Variants in CELA3A observed in about 807,000 individuals in gnomAD.
CELA3A encodes chymotrypsin like elastase 3A, also known as chymotrypsin-like elastase family member 3A.
Under a neutral mutation model 38.6 loss-of-function variants are expected in CELA3A, and 35 were observed. That is an observed-to-expected ratio of 0.91 (90% CI 0.69 to 1.20). The LOEUF (loss-of-function observed/expected upper bound fraction) is 1.20, where lower values mean the gene tolerates loss of function less well. Ranked by LOEUF, CELA3A falls within the 50% of genes most tolerant of loss-of-function variation. CELA3A has a pLI of 0.00. For missense variants in CELA3A, 343 were observed against 354.2 expected, an observed-to-expected ratio of 0.97 and a Z score of 0.25; for synonymous variants, 143 against 136.7, an observed-to-expected ratio of 1.05 and a Z score of -0.32.
At chr1:22,006,738 AATAATGATG>A (rs1242263428) in intron 4 of CELA3A, 131 bp from the exon 5 acceptor site, 2 of 655,162 alleles carry the variant, frequency 3.1e-6, no homozygotes, top group African/African-American at 4.3e-5. Context: ...TAATAATAAT[AATAATGATG>A]ATGAAAGAGT....
In CELA3A at chr1:22,003,059, GA is replaced by G. The variant is rs1644927761; in HGVS notation, c.101del (p.Asp34ValfsTer36). 6.4e-7 allele frequency: 1 copy of G among 1,574,700 alleles called. No homozygotes were observed. The highest frequency in any genetic ancestry group is 1.7e-5 in the African/African-American group (1 of 58,558). On this transcript the variant is annotated frameshift_variant, in exon 2 of 8. Coordinates refer to ENST00000290122, the MANE Select transcript of CELA3A (RefSeq NM_005747.5). LOFTEE classifies it high-confidence loss of function. ...TTCCAGCCGCGTTGTCCATGGTGAG[GA>G]TGCGGTCCCCTACAGCTGGCCCTGG... ...HSSSRVVHGEDAVPYSWPWQV... is the reference protein window; with the variant it reads ...HSSSRVVHGEXAVPYSWPWQV...
Position 22,012,344 on chromosome 1 carries a change from T to C in CELA3A, c.796-106T>C. On this transcript the variant is annotated intron_variant, in intron 7 of 7. Coordinates refer to ENST00000290122, the MANE Select transcript of CELA3A (RefSeq NM_005747.5). ...ACTGAGGCTCAGAGAGGTCAATCCCTCTCCCAGGGTCACACAGCAGGGCTG... is the reference window on the plus strand; with the variant it reads ...ACTGAGGCTCAGAGAGGTCAATCCCCCTCCCAGGGTCACACAGCAGGGCTG... 1.5e-6 allele frequency: 2 copies of C among 1,369,696 alleles called. 1 individual carries two copies. 84.8% of individuals were successfully genotyped at this position (1,369,696 alleles called of 1,614,324 possible).
chr1:22,009,145 C>G (rs1333860902), intron 6 of CELA3A, among the ~76,000 whole-genome samples: 1 of 151,206 alleles, frequency 6.6e-6, no homozygotes, highest in Non-Finnish European at 1.5e-5. Flanking sequence ...GCGGGCGGAT[C>G]ACGTGGTCAG....
intron 2 of CELA3A, among the ~76,000 whole-genome samples, chr1:22,005,223 G>C (rs1208975079): frequency 5.3e-5 from 8 of 151,874 alleles, no homozygotes; most frequent in Admixed American, 1.3e-4. Context: ...CTGGTGTGGG[G>C]AGGCTTTGGA....
At chr1:22,004,928 C>T (rs1166187516) in intron 2 of CELA3A, among the ~76,000 whole-genome samples, 38 of 150,970 alleles carry the variant, frequency 2.5e-4, no homozygotes, top group African/African-American at 9.1e-4. Flanking sequence ...GGTGAAACTC[C>T]GTGTCTACTA....
chr1:22,008,724 A>T (rs971943997), intron 6 of CELA3A, among the ~76,000 whole-genome samples: 1 of 150,404 alleles, frequency 6.6e-6, no homozygotes, highest in African/African-American at 2.5e-5. Flanking sequence ...GCGCCACTGC[A>T]CTCCAACCTG....
chr1:22,006,472 A>G (rs1353437150), intron 4 of CELA3A, among the ~76,000 whole-genome samples: 1 of 151,272 alleles, frequency 6.6e-6, no homozygotes, highest in African/African-American at 2.4e-5. Flanking sequence ...GGCTGCAGTG[A>G]GCCAAGATCA....
At position 22,003,162 on chromosome 1, in the gene CELA3A, C is replaced by G. The variant is rs1644928555; in HGVS notation, c.129+74C>G. On this transcript the variant is annotated intron_variant, in intron 2 of 7. Transcript: ENST00000290122. ...TAAGCTCTAATGGCGTGGCATCCAGCCTTGACACCATTGCTCCCTTTGCAA... is the reference window on the plus strand; with the variant it reads ...TAAGCTCTAATGGCGTGGCATCCAGGCTTGACACCATTGCTCCCTTTGCAA... 3.7e-6 allele frequency: 5 copies of G among 1,335,330 alleles called. No homozygotes were observed. The South Asian group carries it at 6.2e-5, about 16-fold the overall frequency. The allele number at this position is 1,335,330 out of a possible 1,614,324, so 82.7% of individuals were successfully genotyped here. A position where few individuals can be genotyped will look rare whatever the true frequency, so the allele number is the denominator to read the frequency against.
intron 6 of CELA3A, 145 bp downstream of exon 6, chr1:22,007,660 A>G (rs1644959625): frequency 7.3e-7 from 1 of 1,368,650 alleles, no homozygotes; most frequent in Admixed American, 2.6e-5. Flanking sequence ...AAATCAGCGC[A>G]GTCCAGACAC....
In CELA3A at chr1:22,007,042, C is replaced by T. The variant is rs777630975; in HGVS notation, c.499+28C>T. 8.7e-6 allele frequency: 14 copies of T among 1,608,544 alleles called. No homozygotes were observed. The East Asian group carries it at 1.6e-4, about 18-fold the overall frequency. On this transcript the variant is annotated intron_variant, in intron 5 of 7. Transcript: ENST00000290122. The stretch of plus-strand genomic sequence containing the variant: ...ACGTGCTGACTTCTCTAGCTGGCCA[C>T]AGAGACAGTGGCAGAAAGACAGGGC...
intron 6 of CELA3A, among the ~76,000 whole-genome samples, chr1:22,008,381 G>A (rs957114917): frequency 2.0e-5 from 3 of 150,558 alleles, no homozygotes; most frequent in Admixed American, 6.6e-5. Context: ...TAACTCTTGG[G>A]CTCAAGTAAT....
At chr1:22,005,895 T>C (rs1489357099) in intron 4 of CELA3A, 99 bp downstream of exon 4, 2 of 1,582,684 alleles carry the variant, frequency 1.3e-6, no homozygotes, top group Non-Finnish European at 1.7e-6. Flanking sequence ...AGTAGGGACG[T>C]AGGGACATAG....
chr1:22,010,527 A>G (rs1340954667), intron 7 of CELA3A: 2 of 212,078 alleles, frequency 9.4e-6, no homozygotes, highest in Non-Finnish European at 1.9e-5. Context: ...TCAGGCAGAG[A>G]ATTGCTTGAA....
intron 2 of CELA3A, among the ~76,000 whole-genome samples, chr1:22,004,736 A>C (rs1644938411): frequency 6.6e-6 from 1 of 151,270 alleles, no homozygotes; most frequent in South Asian, 2.1e-4. Context: ...ATGGGAAGAG[A>C]GGCAAAGAAC....
In CELA3A at chr1:22,011,337, C is replaced by A. The variant is rs7530888; in HGVS notation, c.796-1113C>A. On this transcript the variant is annotated intron_variant, in intron 7 of 7. Coordinates refer to ENST00000290122, the MANE Select transcript of CELA3A (RefSeq NM_005747.5). ...CGGAGGTTGCAGTGAGCCGAGATTA[C>A]GCCACTGCACTCCAGCCTGGGTGAC... is the stretch of plus-strand genomic sequence containing the variant. Among the ~76,000 whole-genome samples the A allele has an allele frequency of 8.1e-4, 114 of 141,510 alleles. 4 individuals carry two copies. In the South Asian group the frequency reaches 0.024, roughly 30 times the overall value. 92.8% of individuals were successfully genotyped at this position (141,510 alleles called of 152,430 possible).
intron 7 of CELA3A, among the ~76,000 whole-genome samples, chr1:22,011,766 A>G (rs1395020793): frequency 7.9e-6 from 1 of 126,034 alleles, no homozygotes; most frequent in Non-Finnish European, 1.6e-5. Context: ...TCTTAAAAAA[A>G]AAAAAAGGCC....
At chr1:22,002,066 C>G (rs1644921975) in intron 1 of CELA3A, among the ~76,000 whole-genome samples, 2 of 151,178 alleles carry the variant, frequency 1.3e-5, no homozygotes, top group Admixed American at 1.3e-4. Flanking sequence ...CTCCCCCTAC[C>G]TGGCTCCATA....
rs1467562746 is a variant in CELA3A, at chr1:22,005,806, T to C, written c.362+10T>C. 7 of 1,610,514 alleles carry C rather than the reference T, an allele frequency of 4.3e-6. No individual in the cohort carries two copies. Among genetic ancestry groups the C allele is most frequent in the Non-Finnish European group, 5.9e-6 (7 of 1,179,116 alleles). On this transcript the variant is annotated intron_variant, in intron 4 of 7. Transcript: ENST00000290122. ...CGTGTGTGGCCTGTGGGTGAGTGAA[T>C]GCTCCGGTCTGGAACCCAGGGGCTC...
rs757078330 is a variant in CELA3A at position 22,005,720 on chromosome 1, C to G, written c.286C>G (p.Pro96Ala). 2 of 1,612,352 alleles carry G rather than the reference C, an allele frequency of 1.2e-6. No individual in the cohort carries two copies. The highest frequency in any genetic ancestry group is 1.1e-5 in the South Asian group (1 of 91,022). Residue 96 changes from proline (P) to alanine (A), a missense_variant, in exon 4 of 8, where the codon CCC becomes GCC. Physicochemically the swap from Pro to Ala is conservative, Grantham distance 27 (BLOSUM62 -1). Transcript: ENST00000290122. Reference protein sequence around the residue: ...GEYNLAVKEGPEQVIPINSEE... With the variant: ...GEYNLAVKEGAEQVIPINSEE... Reference sequence around the variant, plus strand: ...GTACAACCTTGCTGTGAAGGAGGGCCCCGAGCAGGTGATCCCCATCAACTC... The same window carrying G: ...GTACAACCTTGCTGTGAAGGAGGGCGCCGAGCAGGTGATCCCCATCAACTC...
Sources: gnomAD v4.1 joint callset for allele counts (sites outside exome capture counted in the v4.1 genomes callset) on GRCh38, gnomAD v4.1.1 for gene constraint, MANE v1.5 for transcripts, NCBI Gene and HGNC (gene_info 2026-07-23, HGNC 2026-07-21) for gene names.